The following TMEM44 variants were observed in gnomAD, a reference collection of about 807,000 sequenced individuals.
TMEM44 encodes transmembrane protein 44.
Under a neutral mutation model 47.8 loss-of-function variants are expected in TMEM44, and 43 were observed. The observed-to-expected ratio is 0.90, with a 90% CI of 0.70 to 1.16. TMEM44 has a LOEUF of 1.16. Ranked by LOEUF, TMEM44 falls within the 50% of genes most tolerant of loss-of-function variation. The probability of loss-of-function intolerance (pLI) is 0.00; values close to 1 mark genes in which losing one functional copy is unlikely to be tolerated. For missense variants in TMEM44, 568 were observed against 555.2 expected, an observed-to-expected ratio of 1.02 and a Z score of -0.23; for synonymous variants, 277 against 238.8, an observed-to-expected ratio of 1.16 and a Z score of -1.48.
At chr3:194,628,854 G>A (rs982728284) in intron 1 of TMEM44, among the ~76,000 whole-genome samples, 1 of 152,100 alleles carries the variant, frequency 6.6e-6, no homozygotes, top group Non-Finnish European at 1.5e-5. Flanking sequence ...TTTTGAAAAG[G>A]AAACAGGAGG....
intron 8 of TMEM44, among the ~76,000 whole-genome samples, chr3:194,608,332 C>T (rs1032094426): frequency 7.2e-5 from 11 of 152,214 alleles, no homozygotes; most frequent in East Asian, 3.8e-4. Flanking sequence ...CTCCGGGCAC[C>T]GGTGTGTCTG....
chr3:194,603,114 C>A (rs1387270611), intron 9 of TMEM44, among the ~76,000 whole-genome samples: 1 of 152,174 alleles, frequency 6.6e-6, no homozygotes, highest in Non-Finnish European at 1.5e-5. Flanking sequence ...CATTTTTCCA[C>A]AGACAGATGG....
At chr3:194,601,552 C>G (rs1281062616) in intron 9 of TMEM44, among the ~76,000 whole-genome samples, 1 of 152,184 alleles carries the variant, frequency 6.6e-6, no homozygotes, top group Non-Finnish European at 1.5e-5. Context: ...ATCCGCCCAC[C>G]TTGGCCTCCC....
At chr3:194,624,278 T>C (rs1360894438) in intron 3 of TMEM44, among the ~76,000 whole-genome samples, 1 of 151,080 alleles carries the variant, frequency 6.6e-6, no homozygotes, top group Non-Finnish European at 1.5e-5. Context: ...ATCTCCCACC[T>C]TGGCCTCATG....
At chr3:194,591,429 G>C (rs1056397331) in intron 9 of TMEM44, among the ~76,000 whole-genome samples, 1 of 152,152 alleles carries the variant, frequency 6.6e-6, no homozygotes, top group African/African-American at 2.4e-5. Context: ...CGGAGGCGGA[G>C]GTTGCAGTGA....
chr3:194,624,021 G>T (rs1716874605), intron 3 of TMEM44, among the ~76,000 whole-genome samples: 1 of 152,152 alleles, frequency 6.6e-6, no homozygotes. Context: ...TAAGGATAAG[G>T]CACCATCCTC....
At chr3:194,631,878 G>A (rs1370719972) in intron 1 of TMEM44, among the ~76,000 whole-genome samples, 2 of 152,170 alleles carry the variant, frequency 1.3e-5, no homozygotes, top group Admixed American at 6.6e-5. Flanking sequence ...TCCCAGGCAG[G>A]GTGAGAAGCA....
At chr3:194,602,333 G>A (rs1223854905) in intron 9 of TMEM44, among the ~76,000 whole-genome samples, 1 of 152,218 alleles carries the variant, frequency 6.6e-6, no homozygotes, top group African/African-American at 2.4e-5. Flanking sequence ...TGGGTGAGGT[G>A]GCTCACGCCT....
intron 6 of TMEM44, among the ~76,000 whole-genome samples, 180 bp from the exon 7 acceptor site, chr3:194,615,877 T>C (rs888787634): frequency 1.3e-5 from 2 of 152,142 alleles, no homozygotes; most frequent in Admixed American, 1.3e-4. Flanking sequence ...TGGATGTTCC[T>C]GTCCTCACGA....
chr3:194,590,192 T>C (rs548165415), intron 9 of TMEM44: 5 of 152,334 alleles, frequency 3.3e-5, no homozygotes, highest in African/African-American at 1.2e-4. Flanking sequence ...ATCCCAGTGA[T>C]AAAACACAAA....
intron 2 of TMEM44, among the ~76,000 whole-genome samples, chr3:194,627,510 T>A (rs1014163096): frequency 5.3e-5 from 8 of 152,158 alleles, no homozygotes; most frequent in Non-Finnish European, 1.2e-4. Context: ...CCTACACCAC[T>A]ACCTGGGAAA....
intron 3 of TMEM44, among the ~76,000 whole-genome samples, chr3:194,625,060 A>T (rs1577221955): frequency 6.6e-6 from 1 of 151,542 alleles, no homozygotes; most frequent in South Asian, 2.1e-4. Flanking sequence ...CACATGGCTG[A>T]CCCTTCTCAA....
chr3:194,614,806 C>T (rs1715701800), intron 7 of TMEM44, among the ~76,000 whole-genome samples: 2 of 152,228 alleles, frequency 1.3e-5, no homozygotes, highest in Non-Finnish European at 2.9e-5. Flanking sequence ...GGGCATGCGA[C>T]TATTCCATCT....
At chr3:194,594,964 C>T (rs1041964960) in intron 9 of TMEM44, among the ~76,000 whole-genome samples, 1 of 152,142 alleles carries the variant, frequency 6.6e-6, no homozygotes, top group African/African-American at 2.4e-5. Flanking sequence ...GTACAATTAA[C>T]CCAAATCTTT....
intron 3 of TMEM44, 127 bp downstream of exon 3, chr3:194,625,770 G>A (rs145436148): frequency 0.02 from 16,343 of 806,744 alleles, 231 homozygotes; most frequent in South Asian, 0.034. Flanking sequence ...GTGAGCCACC[G>A]CGCCCAGCCT....
Position 194,623,596 on chromosome 3 carries a change from AC to A in TMEM44, c.457del (p.Val153LeufsTer18). On this transcript the variant is annotated frameshift_variant, in exon 4 of 10. Transcript: ENST00000347147. LOFTEE classifies it high-confidence loss of function. ...GGTGGCTGAAGCCTTCGGGACAGCAACCCACAGAGCCCAGCACGGGCCCAGG... is the reference window on the plus strand; with the variant it reads ...GGTGGCTGAAGCCTTCGGGACAGCAACCACAGAGCCCAGCACGGGCCCAGG... The part of the protein sequence containing the change: ...LSLGPCWALW[V>X]AVPKASATIR... The A allele has an allele frequency of 6.2e-7, 1 of 1,611,990 alleles. No individual in the cohort carries two copies. The highest frequency in any genetic ancestry group is 1.3e-5 in the African/African-American group (1 of 75,028).
intron 9 of TMEM44, chr3:194,589,523 A>C (rs1712334049): frequency 6.6e-6 from 1 of 152,160 alleles, no homozygotes; most frequent in South Asian, 2.1e-4. Context: ...TCCTGCTCCT[A>C]CACGGTGTTT....
intron 9 of TMEM44, among the ~76,000 whole-genome samples, chr3:194,593,644 A>T (rs950957496): frequency 6.6e-6 from 1 of 152,192 alleles, no homozygotes; most frequent in Non-Finnish European, 1.5e-5. Context: ...CCTGGGAAAC[A>T]TATGTTTCTG....
intron 3 of TMEM44, 70 bp downstream of exon 3, chr3:194,625,827 G>A: frequency 7.3e-7 from 1 of 1,368,462 alleles, no homozygotes; most frequent in Non-Finnish European, 1.0e-6. Flanking sequence ...GGAGTGATAA[G>A]GAGTAGGCAT....
Sources: allele counts gnomAD v4.1 joint callset (sites outside exome capture counted in the v4.1 genomes callset), GRCh38; gene constraint gnomAD v4.1.1; transcripts MANE v1.5; gene names NCBI Gene and HGNC (gene_info 2026-07-23, HGNC 2026-07-21).